TTC17: variants seen among roughly 807,000 people sequenced by gnomAD.
TTC17 encodes the protein tetratricopeptide repeat protein 17.
A neutral mutation model predicts 143.8 loss-of-function variants in TTC17; 58 were observed. The observed-to-expected ratio is 0.40, with a 90% confidence interval of 0.33 to 0.50. TTC17 has a LOEUF of 0.50. Ranked by LOEUF, TTC17 falls within the 20% of genes least tolerant of loss-of-function variation. TTC17 has a pLI of 0.49. For missense variants in TTC17, 1,273 were observed against 1,392.5 expected (o/e 0.91, Z 1.37); for synonymous variants, 501 against 497.8 (o/e 1.01, Z -0.09).
At chr11:43,362,103 C>T (rs1221423797) in intron 1 of TTC17, among the ~76,000 whole-genome samples, 1 of 151,390 alleles carries the variant, frequency 6.6e-6, no homozygotes, top group African/African-American at 2.4e-5. Flanking sequence ...GCCTCAGCAT[C>T]CCGAGTAGCT....
intron 18 of TTC17, among the ~76,000 whole-genome samples, chr11:43,445,094 A>G (rs963207275): frequency 3.3e-5 from 5 of 152,246 alleles, no homozygotes; most frequent in African/African-American, 9.6e-5. Flanking sequence ...TAACACATCT[A>G]TGCTGCATAA....
At chr11:43,437,864 GT>G (rs1208133050) in intron 16 of TTC17, among the ~76,000 whole-genome samples, 16 of 152,314 alleles carry the variant, frequency 1.1e-4, no homozygotes, top group African/African-American at 3.1e-4. Context: ...TCTACTCAGA[GT>G]TCCCAGTTTT....
chr11:43,480,887 C>CAAAAAAAAAA (rs58806758), intron 21 of TTC17, among the ~76,000 whole-genome samples: 1 of 99,026 alleles, frequency 1.0e-5, no homozygotes. Context: ...CAAGAAAATG[C>CAAAAAAAAAA]AAAAAAAAAA....
intron 1 of TTC17, among the ~76,000 whole-genome samples, chr11:43,369,232 G>T (rs572050665): frequency 6.6e-6 from 1 of 152,304 alleles, no homozygotes; most frequent in Admixed American, 6.5e-5. Flanking sequence ...CTCATTTGTG[G>T]TTCATGTTGA....
intron 1 of TTC17, among the ~76,000 whole-genome samples, chr11:43,360,298 G>A (rs1856046632): frequency 2.0e-5 from 3 of 152,162 alleles, no homozygotes; most frequent in African/African-American, 7.2e-5. Flanking sequence ...TTCCTATTGG[G>A]TAACGTTTTC....
Position 43,397,424 on chromosome 11 carries a change from T to C in TTC17, c.851T>C (p.Val284Ala). 6.2e-7 allele frequency: 1 copy of C among 1,613,676 alleles called. No homozygotes were observed. The highest frequency in any genetic ancestry group is 8.5e-7 in the Non-Finnish European group (1 of 1,180,004). ...CACTTCTCTGCTGATGCTGCTGTCG[T>C]GGTCCATGCAGCTCTGGATGACAGT... Reference protein sequence around the residue: ...RAHFSADAAVVVHAALDDSDF... With the variant: ...RAHFSADAAVAVHAALDDSDF... Residue 284 changes from valine to alanine, a missense_variant, in exon 7 of 24, where the codon GTG (valine) becomes GCG (alanine). Val to Ala is a moderately conservative substitution (Grantham distance 64). This residue lies in a region of TTC17 where 325 missense variants were observed against 444.2 expected (regional missense o/e 0.73). Transcript: ENST00000039989.
intron 21 of TTC17, among the ~76,000 whole-genome samples, chr11:43,478,272 A>G (rs1436129728): frequency 3.9e-5 from 6 of 152,226 alleles, no homozygotes; most frequent in African/African-American, 2.4e-5. Flanking sequence ...ATTAAAATGT[A>G]TGGCGCTCAT....
At position 43,494,120 on chromosome 11, in the gene TTC17, C is replaced by A. The variant is rs369152413; in HGVS notation, c.*216C>A. The A allele has an allele frequency of 4.9e-5, 25 of 512,800 alleles. No individual in the cohort carries two copies. The highest frequency in any genetic ancestry group is 5.6e-4 in the Middle Eastern group (1 of 1,798). 31.8% of individuals were successfully genotyped at this position (512,800 alleles called of 1,614,324 possible). On this transcript the variant is annotated 3_prime_UTR_variant, in exon 24 of 24. Coordinates refer to ENST00000039989, the MANE Select transcript of TTC17 (RefSeq NM_018259.6). ...CAGAAGAGGCACCTTCAGAAACACA[C>A]ATTTCTTAAAAGGAAAGTGCAGCTT...
At chr11:43,392,219 A>G (rs1857417933) in intron 5 of TTC17, among the ~76,000 whole-genome samples, 2 of 152,230 alleles carry the variant, frequency 1.3e-5, no homozygotes, top group South Asian at 4.1e-4. Context: ...AACAGCGTTT[A>G]TAGGCTGGAT....
intron 2 of TTC17, among the ~76,000 whole-genome samples, chr11:43,380,655 A>G (rs1856931730): frequency 6.6e-6 from 1 of 152,236 alleles, no homozygotes; most frequent in African/African-American, 2.4e-5. Context: ...ATCAACATAC[A>G]TATGTCTACA....
At chr11:43,427,328 G>A (rs1305085339) in intron 16 of TTC17, among the ~76,000 whole-genome samples, 1 of 152,180 alleles carries the variant, frequency 6.6e-6, no homozygotes. Context: ...TTTAAGAATT[G>A]AGTGAAGCAG....
intron 21 of TTC17, among the ~76,000 whole-genome samples, chr11:43,484,601 G>T (rs1174817138): frequency 6.6e-6 from 1 of 152,004 alleles, no homozygotes; most frequent in African/African-American, 2.4e-5. Context: ...TTGAAAAGCA[G>T]GTCTTTATAT....
intron 21 of TTC17, among the ~76,000 whole-genome samples, chr11:43,488,791 C>A (rs1320264483): frequency 6.6e-6 from 1 of 152,120 alleles, no homozygotes; most frequent in South Asian, 2.1e-4. Flanking sequence ...ACCTCAAACT[C>A]CTGGGCTCAA....
chr11:43,492,388 T>C (rs1393637739), intron 23 of TTC17, among the ~76,000 whole-genome samples: 1 of 152,168 alleles, frequency 6.6e-6, no homozygotes, highest in Non-Finnish European at 1.5e-5. Context: ...TTCCTCAACA[T>C]GAGTTGAACA....
chr11:43,387,788 T>A (rs973158261), intron 2 of TTC17, among the ~76,000 whole-genome samples: 1 of 152,102 alleles, frequency 6.6e-6, no homozygotes, highest in Non-Finnish European at 1.5e-5. Context: ...CAAGCCTGAG[T>A]CCAGCAAAAA....
At chr11:43,390,546 G>C (rs1176372665) in intron 3 of TTC17, among the ~76,000 whole-genome samples, 1 of 151,664 alleles carries the variant, frequency 6.6e-6, no homozygotes, top group Non-Finnish European at 1.5e-5. Context: ...AACCCAGGAG[G>C]CAGAGCTTGC....
At chr11:43,487,699 C>T (rs1948404883) in intron 21 of TTC17, among the ~76,000 whole-genome samples, 3 of 152,192 alleles carry the variant, frequency 2.0e-5, no homozygotes, top group Admixed American at 2.0e-4. Flanking sequence ...TTTGCTAGGG[C>T]CACTAGAACA....
intron 1 of TTC17, among the ~76,000 whole-genome samples, chr11:43,369,619 CTTT>C (rs755414628): frequency 2.8e-5 from 4 of 140,604 alleles, no homozygotes; most frequent in Admixed American, 7.1e-5. Context: ...TTTCTGATTT[CTTT>C]TTTTTTTTTT....
chr11:43,395,325 C>A (rs1463561495), intron 5 of TTC17: 2 of 152,128 alleles, frequency 1.3e-5, no homozygotes, highest in African/African-American at 4.8e-5. Flanking sequence ...TGGTCTCGAT[C>A]TCCTGACCTC....
Sources: gnomAD v4.1 joint callset for allele counts (sites outside exome capture counted in the v4.1 genomes callset) on GRCh38, gnomAD v4.1.1 for gene constraint, gnomAD v4.1.1 regional missense constraint, MANE v1.5 for transcripts, NCBI Gene and HGNC (gene_info 2026-07-23, HGNC 2026-07-21) for gene names.